Variants in FRYL observed in about 807,000 individuals in gnomAD.
The protein encoded by FRYL is FRY like transcription coactivator.
FRYL carries 150 observed loss-of-function variants against 351.2 expected under a neutral mutation model. That is an observed-to-expected ratio of 0.43 (90% CI 0.37 to 0.49). FRYL has a LOEUF of 0.49. Ranked by LOEUF, FRYL falls within the 20% of genes least tolerant of loss-of-function variation. The probability of loss-of-function intolerance (pLI) is 0.00; values close to 1 mark genes in which losing one functional copy is unlikely to be tolerated. For synonymous variants in FRYL, 1,153 were observed against 1,257.1 expected, an observed-to-expected ratio of 0.92 and a Z score of 1.75; for missense variants, 3,036 against 3,619.3, an observed-to-expected ratio of 0.84 and a Z score of 4.13.
At chr4:48,660,415 G>A (rs928508834) in intron 3 of FRYL, among the ~76,000 whole-genome samples, 7 of 152,194 alleles carry the variant, frequency 4.6e-5, no homozygotes, top group Admixed American at 4.6e-4. Flanking sequence ...AACTGGTTAA[G>A]AGTGGCTCCA....
intron 6 of FRYL, 90 bp from the exon 7 acceptor site, chr4:48,619,460 C>T: frequency 1.5e-6 from 1 of 652,308 alleles, no homozygotes; most frequent in Non-Finnish European, 2.5e-6. Context: ...TACTGTTTTC[C>T]TACTATGTAA....
intron 7 of FRYL, among the ~76,000 whole-genome samples, chr4:48,611,995 ATAT>A (rs1486357068): frequency 6.6e-6 from 1 of 152,160 alleles, no homozygotes; most frequent in African/African-American, 2.4e-5. Context: ...ACCCCACAAT[ATAT>A]TATTGGCATG....
intron 3 of FRYL, among the ~76,000 whole-genome samples, chr4:48,649,321 C>T (rs945146555): frequency 2.6e-5 from 4 of 152,102 alleles, no homozygotes; most frequent in African/African-American, 7.2e-5. Flanking sequence ...TATGCAAATA[C>T]AGTTTCTTAA....
At chr4:48,588,472 T>C (rs1463286268) in intron 18 of FRYL, among the ~76,000 whole-genome samples, 2 of 152,208 alleles carry the variant, frequency 1.3e-5, no homozygotes, top group African/African-American at 2.4e-5. Context: ...CACCTCCATA[T>C]GGATACCTAG....
At chr4:48,551,632 A>G in intron 36 of FRYL, 54 bp from the exon 37 acceptor site, 1 of 1,084,206 alleles carries the variant, frequency 9.2e-7, no homozygotes, top group Non-Finnish European at 1.4e-6. Context: ...GAATAACCCA[A>G]TAAGAACAAA....
At position 48,553,370 on chromosome 4, in the gene FRYL, A is replaced by G. The variant is rs200768647; in HGVS notation, c.4280T>C (p.Ile1427Thr). Residue 1427 changes from isoleucine to threonine, a missense_variant, in exon 36 of 64, where the codon ATT (isoleucine) becomes ACT (threonine). Physicochemically the swap from Ile to Thr is moderately conservative, Grantham distance 89. Around this residue, in one of 7 missense-constraint regions of FRYL, gnomAD observed 1,987 missense variants for 2,311.7 expected, o/e 0.86. Coordinates refer to ENST00000358350, the MANE Select transcript of FRYL (RefSeq NM_015030.2). ...TGTTTTATCTCTACCTAAATATACA[A>G]TGACCTTCTTCACCTGTCACAAAAG... ...PSLLPYVKKV[I>T]VYLGRDKTMQ... 6.2e-7 allele frequency: 1 copy of G among 1,609,546 alleles called. No homozygotes were observed. The highest frequency in any genetic ancestry group is 1.3e-5 in the African/African-American group (1 of 74,882).
chr4:48,640,172 G>A (rs1046072000), intron 3 of FRYL, among the ~76,000 whole-genome samples: 1 of 152,160 alleles, frequency 6.6e-6, no homozygotes, highest in Non-Finnish European at 1.5e-5. Context: ...ACCCACAGGA[G>A]CTGAAGACGT....
chr4:48,667,744 T>G, intron 3 of FRYL, among the ~76,000 whole-genome samples: 1 of 152,028 alleles, frequency 6.6e-6, no homozygotes, highest in South Asian at 2.1e-4. Context: ...GCCTCCCAGG[T>G]TCAAGCAATT....
intron 1 of FRYL, among the ~76,000 whole-genome samples, chr4:48,726,988 G>A (rs891971808): frequency 2.0e-5 from 3 of 152,118 alleles, no homozygotes; most frequent in Non-Finnish European, 2.9e-5. Flanking sequence ...TCTGACAGGG[G>A]CAGGTAGTTT....
At chr4:48,628,919 AC>A (rs1026152302) in intron 4 of FRYL, among the ~76,000 whole-genome samples, 82 of 151,746 alleles carry the variant, frequency 5.4e-4, no homozygotes, top group African/African-American at 1.9e-3. Context: ...TAGACTAAAA[AC>A]TGTTGATAGT....
chr4:48,688,192 A>G (rs1282411003), intron 2 of FRYL, among the ~76,000 whole-genome samples: 1 of 152,242 alleles, frequency 6.6e-6, no homozygotes, highest in African/African-American at 2.4e-5. Context: ...AATTCCTGCC[A>G]TTCTACTAAA....
At chr4:48,653,129 T>A (rs1412411019) in intron 3 of FRYL, among the ~76,000 whole-genome samples, 5 of 152,216 alleles carry the variant, frequency 3.3e-5, no homozygotes, top group Non-Finnish European at 5.9e-5. Context: ...ACGGACAGAA[T>A]AATAGCTCAA....
At chr4:48,753,538 G>T (rs1773465572) in intron 1 of FRYL, among the ~76,000 whole-genome samples, 1 of 151,908 alleles carries the variant, frequency 6.6e-6, no homozygotes, top group African/African-American at 2.4e-5. Flanking sequence ...AGTTTTCTCG[G>T]TACAAGTCCC....
rs1725237681 is a variant in FRYL at position 48,523,007 on chromosome 4, G to A, written c.7415C>T (p.Ser2472Phe). 3.7e-6 allele frequency: 6 copies of A among 1,613,568 alleles called. No homozygotes were observed. Among genetic ancestry groups the A allele is most frequent in the South Asian group, 3.3e-5 (3 of 91,078 alleles). The change falls in exon 54 of 64, where the codon TCT becomes TTT. Residue 2472 changes from serine to phenylalanine, a missense_variant. By Grantham distance (155) the Ser-to-Phe change is radical. This residue lies in a region of FRYL where 1,987 missense variants were observed against 2,311.7 expected (regional missense o/e 0.86). Transcript: ENST00000358350. Reference protein sequence around the residue: ...DTPSLQEYQCSSSTPSLNLTN... With the variant: ...DTPSLQEYQCFSSTPSLNLTN... ...GAGGTTCAGGCTGGGGGTGCTACTAGAGCACTGGTACTCCTGGAGGGATGG... is the reference window on the plus strand; with the variant it reads ...GAGGTTCAGGCTGGGGGTGCTACTAAAGCACTGGTACTCCTGGAGGGATGG...
intron 1 of FRYL, among the ~76,000 whole-genome samples, chr4:48,737,172 G>A (rs1314568803): frequency 2.0e-5 from 3 of 147,418 alleles, no homozygotes; most frequent in East Asian, 2.0e-4. Context: ...CACAAGAATC[G>A]TTTGAACCCT....
chr4:48,668,466 A>T (rs1762129118), intron 3 of FRYL, among the ~76,000 whole-genome samples: 1 of 152,062 alleles, frequency 6.6e-6, no homozygotes, highest in African/African-American at 2.4e-5. Flanking sequence ...AATGTGCTAG[A>T]TGGTTTTGAA....
intron 26 of FRYL, among the ~76,000 whole-genome samples, chr4:48,572,941 T>C (rs969560181): frequency 1.1e-4 from 17 of 152,232 alleles, no homozygotes; most frequent in Admixed American, 2.6e-4. Context: ...TCCGGTCCTT[T>C]GCAGAAAAAG....
rs560431503 is a variant in FRYL, at chr4:48,582,739, C to T, written c.1749-5G>A. 1.9e-6 allele frequency: 3 copies of T among 1,603,264 alleles called. No individual in the cohort carries two copies. The highest frequency in any genetic ancestry group is 1.7e-6 in the Non-Finnish European group (2 of 1,170,910). ...TCATCCATATGAATTGTGAGCCTAC[C>T]AAGAACAAAATTCCATTAGCAAACT... is the stretch of plus-strand genomic sequence containing the variant. On this transcript the variant is annotated splice_region_variant and splice_polypyrimidine_tract_variant and intron_variant, in intron 19 of 63. Coordinates refer to ENST00000358350, the MANE Select transcript of FRYL (RefSeq NM_015030.2).
At chr4:48,525,866 A>G (rs1726057125) in intron 53 of FRYL, among the ~76,000 whole-genome samples, 2 of 151,846 alleles carry the variant, frequency 1.3e-5, no homozygotes, top group Admixed American at 6.6e-5. Context: ...TATGAGCTGT[A>G]TATGAGTAGT....
Sources: gnomAD v4.1 joint callset for allele counts (sites outside exome capture counted in the v4.1 genomes callset) on GRCh38, gnomAD v4.1.1 for gene constraint, gnomAD v4.1.1 regional missense constraint, MANE v1.5 for transcripts, NCBI Gene and HGNC (gene_info 2026-07-23, HGNC 2026-07-21) for gene names.